The following TENM4 variants were observed in gnomAD, a reference collection of about 807,000 sequenced individuals.
TENM4 encodes the protein teneurin transmembrane protein 4, also known as teneurin-4.
A neutral mutation model predicts 243.3 loss-of-function variants in TENM4; 82 were observed. The observed-to-expected ratio is 0.34, with a 90% CI of 0.28 to 0.40. The LOEUF is 0.40. Ranked by LOEUF, TENM4 falls within the 10% of genes least tolerant of loss-of-function variation. The probability of loss-of-function intolerance (pLI) is 1.00; values close to 1 mark genes in which losing one functional copy is unlikely to be tolerated. For synonymous variants in TENM4, 1,412 were observed against 1,456.3 expected (o/e 0.97, Z 0.69); for missense variants, 3,138 against 3,673.3 (o/e 0.85, Z 3.77).
chr11:79,197,191 CT>C (rs1392511324), intron 3 of TENM4, among the ~76,000 whole-genome samples: 6 of 151,996 alleles, frequency 3.9e-5, no homozygotes, highest in Non-Finnish European at 7.4e-5. Flanking sequence ...AGCAGTTCGT[CT>C]TGCTGGAAGG....
chr11:78,784,465 A>G (rs1292576221), intron 16 of TENM4, among the ~76,000 whole-genome samples: 1 of 152,184 alleles, frequency 6.6e-6, no homozygotes. Context: ...AGAGACCCAC[A>G]GAGAGAAGGT....
intron 5 of TENM4, among the ~76,000 whole-genome samples, chr11:79,067,659 G>A (rs1012131108): frequency 1.6e-4 from 24 of 150,366 alleles, no homozygotes; most frequent in African/African-American, 5.6e-4. Flanking sequence ...TGCAAGGTAA[G>A]GGCTCACTCT....
At chr11:79,083,121 T>A (rs574354326) in intron 4 of TENM4, among the ~76,000 whole-genome samples, 1 of 152,260 alleles carries the variant, frequency 6.6e-6, no homozygotes, top group East Asian at 1.9e-4. Flanking sequence ...TTAAGTCTTA[T>A]AAGTGCCGTA....
At chr11:79,016,831 G>A (rs796267204) in intron 6 of TENM4, among the ~76,000 whole-genome samples, 1 of 152,326 alleles carries the variant, frequency 6.6e-6, no homozygotes, top group African/African-American at 2.4e-5. Flanking sequence ...GAGGGGAGGT[G>A]AGACTGTGGT....
In TENM4 at chr11:79,213,451, T is replaced by C. The variant is rs112646826; in HGVS notation, c.-163+2357A>G. Reference sequence around the variant, plus strand: ...AATATACACACCAGGTAGAGACAGATGCTATGGAGAAAGGTTTAAGCAGAA... The same window carrying C: ...AATATACACACCAGGTAGAGACAGACGCTATGGAGAAAGGTTTAAGCAGAA... On this transcript the variant is annotated intron_variant, in intron 3 of 33. Coordinates refer to ENST00000278550, the MANE Select transcript of TENM4 (RefSeq NM_001098816.3). Among the ~76,000 whole-genome samples the C allele has an allele frequency of 7.3e-3, 1,114 of 152,264 alleles. 14 individuals are homozygous for C. Among genetic ancestry groups the C allele is most frequent in the African/African-American group, 0.024 (1,011 of 41,558 alleles).
At chr11:79,018,519 G>A (rs2136788647) in intron 6 of TENM4, among the ~76,000 whole-genome samples, 1 of 152,180 alleles carries the variant, frequency 6.6e-6, no homozygotes, top group African/African-American at 2.4e-5. Context: ...TCACCAGTAA[G>A]CTGATTATTT....
chr11:79,184,687 G>A lies in TENM4; in HGVS notation c.-163+31121C>T, dbSNP rs549799515. On this transcript the variant is annotated intron_variant, in intron 3 of 33. Coordinates refer to ENST00000278550, the MANE Select transcript of TENM4 (RefSeq NM_001098816.3). ...GAGCCGTCAAATTCCCAGAGACAGA[G>A]AGTAGAATGGGAGTTGCCAGGGCCT... 3.7e-3 allele frequency among the ~76,000 whole-genome samples: 566 copies of A among 152,296 alleles called. 3 individuals are homozygous for A. The highest frequency in any genetic ancestry group is 5.2e-3 in the Admixed American group (79 of 15,302).
At chr11:78,813,077 C>T (rs766307919) in intron 13 of TENM4, among the ~76,000 whole-genome samples, 1 of 152,180 alleles carries the variant, frequency 6.6e-6, no homozygotes, top group Non-Finnish European at 1.5e-5. Flanking sequence ...TCTGCACCAC[C>T]TTCCCCTGGT....
intron 1 of TENM4, among the ~76,000 whole-genome samples, chr11:79,346,358 C>T (rs1286696009): frequency 2.0e-5 from 3 of 152,086 alleles, no homozygotes; most frequent in East Asian, 1.9e-4. Context: ...ACAATACCTG[C>T]CTTCGGGGGT....
intron 3 of TENM4, among the ~76,000 whole-genome samples, chr11:79,151,878 C>CA (rs1862518754): frequency 6.6e-6 from 1 of 152,142 alleles, no homozygotes; most frequent in Non-Finnish European, 1.5e-5. Context: ...CACCTCCTGT[C>CA]TCCTTGGAGG....
chr11:79,362,049 A>G (rs1253822523), intron 1 of TENM4, among the ~76,000 whole-genome samples: 1 of 152,160 alleles, frequency 6.6e-6, no homozygotes, highest in Non-Finnish European at 1.5e-5. Flanking sequence ...GGCCTTCTGG[A>G]TGAGATTCTT....
chr11:79,079,911 C>G (rs923435610), intron 4 of TENM4, among the ~76,000 whole-genome samples: 4 of 151,974 alleles, frequency 2.6e-5, no homozygotes, highest in Non-Finnish European at 5.9e-5. Flanking sequence ...CAAGCCCCAT[C>G]AGGTGCCCAA....
chr11:79,309,806 C>T (rs974647288), intron 1 of TENM4, among the ~76,000 whole-genome samples: 4 of 152,280 alleles, frequency 2.6e-5, no homozygotes, highest in Middle Eastern at 3.4e-3. Context: ...CTTATAGCAT[C>T]GGTTTCCTCA....
chr11:79,358,984 T>C (rs1432720280), intron 1 of TENM4, among the ~76,000 whole-genome samples: 2 of 151,148 alleles, frequency 1.3e-5, no homozygotes, highest in Non-Finnish European at 2.9e-5. Flanking sequence ...AATAAATCTA[T>C]GGCTAGGCAT....
intron 1 of TENM4, among the ~76,000 whole-genome samples, chr11:79,349,281 G>A (rs140965920): frequency 6.6e-6 from 1 of 152,098 alleles, no homozygotes; most frequent in African/African-American, 2.4e-5. Context: ...TCTTAAATTA[G>A]GTTGTCAGAA....
intron 16 of TENM4, among the ~76,000 whole-genome samples, chr11:78,785,527 C>T (rs1856918236): frequency 6.6e-6 from 1 of 152,160 alleles, no homozygotes. Context: ...CTTTGAAGTT[C>T]CGTGACCTTA....
intron 1 of TENM4, among the ~76,000 whole-genome samples, chr11:79,367,475 C>T (rs1349083611): frequency 6.6e-6 from 1 of 152,096 alleles, no homozygotes; most frequent in Non-Finnish European, 1.5e-5. Flanking sequence ...ATTCCTATTC[C>T]TTCTGCCAAG....
chr11:78,932,535 A>G (rs1471560864), intron 6 of TENM4, among the ~76,000 whole-genome samples: 1 of 152,216 alleles, frequency 6.6e-6, no homozygotes, highest in East Asian at 1.9e-4. Flanking sequence ...GGTATTGAAA[A>G]GGAAGCACTA....
At chr11:78,865,377 G>A (rs901616421) in intron 9 of TENM4, among the ~76,000 whole-genome samples, 3 of 152,138 alleles carry the variant, frequency 2.0e-5, no homozygotes, top group South Asian at 2.1e-4. Flanking sequence ...CAGTCTTCTC[G>A]GCATCAAGGC....
Sources: gnomAD v4.1 joint callset for allele counts (sites outside exome capture counted in the v4.1 genomes callset) on GRCh38, gnomAD v4.1.1 for gene constraint, MANE v1.5 for transcripts, NCBI Gene and HGNC (gene_info 2026-07-23, HGNC 2026-07-21) for gene names.